The following PTPRM variants were observed in gnomAD, a reference collection of about 807,000 sequenced individuals.
PTPRM encodes receptor-type tyrosine-protein phosphatase mu.
A neutral mutation model predicts 186.7 loss-of-function variants in PTPRM; 47 were observed. The observed-to-expected ratio is 0.25, with a 90% confidence interval of 0.20 to 0.32. PTPRM has a LOEUF of 0.32. PTPRM is among the 10% of genes least tolerant of loss of function. The pLI is 1.00. For synonymous variants in PTPRM, 668 were observed against 674.9 expected (o/e 0.99, Z 0.16); for missense variants, 1,494 against 1,865.0 (o/e 0.80, Z 3.66).
At chr18:7,649,762 A>G (rs913032423) in intron 1 of PTPRM, among the ~76,000 whole-genome samples, 13 of 152,216 alleles carry the variant, frequency 8.5e-5, no homozygotes, top group African/African-American at 2.9e-4. Flanking sequence ...AAAAAGAAAA[A>G]AAATGAAATT....
In PTPRM at chr18:8,387,438, G is replaced by A. The variant is rs540607828; in HGVS notation, c.4208+203G>A. ...ACATTCTGCATTTGGATGGTGTGCC[G>A]CTGCCGCACAAGCAAGCACTGACCG... On this transcript the variant is annotated intron_variant, in intron 31 of 32. Transcript: ENST00000580170. 4.6e-5 allele frequency among the ~76,000 whole-genome samples: 7 copies of A among 151,678 alleles called. No individual in the cohort carries two copies. In the East Asian group the frequency reaches 1.2e-3, roughly 25 times the overall value.
intron 14 of PTPRM, among the ~76,000 whole-genome samples, chr18:8,224,611 CTGGATT>C (rs1354647362): frequency 1.3e-5 from 2 of 152,172 alleles, no homozygotes; most frequent in Admixed American, 6.5e-5. Context: ...TAACAGAGAC[CTGGATT>C]TTTATTCTGA....
intron 5 of PTPRM, among the ~76,000 whole-genome samples, chr18:7,940,386 A>T (rs9954126): frequency 0.063 from 9,577 of 152,210 alleles, 1,022 homozygotes; most frequent in African/African-American, 0.22. Context: ...GGTCAGTGGC[A>T]CTCATAAAGG....
chr18:7,602,376 A>G (rs376072226), intron 1 of PTPRM, among the ~76,000 whole-genome samples: 47 of 152,288 alleles, frequency 3.1e-4, no homozygotes, highest in African/African-American at 1.1e-3. Context: ...GGTTGGATTC[A>G]GTTGAATTTA....
chr18:7,737,281 G>A (rs2040790949), intron 1 of PTPRM, among the ~76,000 whole-genome samples: 1 of 150,992 alleles, frequency 6.6e-6, no homozygotes, highest in Non-Finnish European at 1.5e-5. Flanking sequence ...GTTTTTAGTG[G>A]TGACGGGGTT....
chr18:8,206,473 C>T (rs1286394966), intron 14 of PTPRM, among the ~76,000 whole-genome samples: 1 of 152,088 alleles, frequency 6.6e-6, no homozygotes, highest in African/African-American at 2.4e-5. Flanking sequence ...TGGTCTCGAT[C>T]TCCTGACCTC....
At chr18:8,071,002 C>T (rs550181485) in intron 8 of PTPRM, among the ~76,000 whole-genome samples, 2 of 152,172 alleles carry the variant, frequency 1.3e-5, no homozygotes, top group Non-Finnish European at 2.9e-5. Context: ...CCAGCACCTG[C>T]GTATTTTTGT....
At chr18:7,900,653 G>T (rs564933831) in intron 3 of PTPRM, among the ~76,000 whole-genome samples, 8 of 152,226 alleles carry the variant, frequency 5.3e-5, no homozygotes, top group African/African-American at 1.9e-4. Flanking sequence ...GTCCAGACTT[G>T]GAAGCAAAAT....
intron 7 of PTPRM, among the ~76,000 whole-genome samples, chr18:8,065,846 G>A (rs772100578): frequency 3.9e-5 from 6 of 152,182 alleles, no homozygotes; most frequent in Non-Finnish European, 7.3e-5. Context: ...TCCCAGAAAT[G>A]CAGTGTGAGT....
chr18:7,830,762 C>G (rs2145718192), intron 2 of PTPRM, among the ~76,000 whole-genome samples: 1 of 152,320 alleles, frequency 6.6e-6, no homozygotes, highest in East Asian at 1.9e-4. Context: ...GAGGGCAAAG[C>G]TGAAGGATAG....
intron 10 of PTPRM, among the ~76,000 whole-genome samples, chr18:8,088,301 C>A (rs1224188784): frequency 6.6e-6 from 1 of 151,270 alleles, no homozygotes; most frequent in Admixed American, 6.6e-5. Context: ...GAGTCTGGTA[C>A]ATGAAAAACC....
chr18:7,607,378 G>C (rs1318732789), intron 1 of PTPRM, among the ~76,000 whole-genome samples: 1 of 152,074 alleles, frequency 6.6e-6, no homozygotes, highest in Non-Finnish European at 1.5e-5. Flanking sequence ...TGATGTGCTG[G>C]GGTGTGCCGA....
At position 8,193,014 on chromosome 18, in the gene PTPRM, T is replaced by TA. The variant is rs143772795; in HGVS notation, c.2300+49236dup. Among the ~76,000 whole-genome samples the TA allele has an allele frequency of 8.9e-3, 1,357 of 152,334 alleles. 22 individuals carry two copies. The highest frequency in any genetic ancestry group is 0.031 in the African/African-American group (1,286 of 41,578). On this transcript the variant is annotated intron_variant, in intron 14 of 32. Transcript: ENST00000580170. ...AAAGCATGTGGGGGACAGTTGGATATATTGAATGTAGGCTTCCCATTAAGT... is the reference window on the plus strand; with the variant it reads ...AAAGCATGTGGGGGACAGTTGGATATAATTGAATGTAGGCTTCCCATTAAGT...
chr18:8,223,964 G>A (rs1041693217), intron 14 of PTPRM, among the ~76,000 whole-genome samples: 3 of 152,146 alleles, frequency 2.0e-5, no homozygotes, highest in African/African-American at 7.2e-5. Flanking sequence ...CTAGGTCATT[G>A]TGTTTGAATT....
chr18:7,981,240 G>A (rs545732734), intron 7 of PTPRM, among the ~76,000 whole-genome samples: 1 of 152,106 alleles, frequency 6.6e-6, no homozygotes, highest in East Asian at 1.9e-4. Context: ...GCAATCTCTG[G>A]ACAATGGAGT....
chr18:7,947,248 G>A lies in PTPRM; in HGVS notation c.664-1933G>A, dbSNP rs568189812. 2.2e-4 allele frequency among the ~76,000 whole-genome samples: 34 copies of A among 152,244 alleles called. No homozygotes were observed. In the South Asian group the frequency reaches 2.7e-3, roughly 12 times the overall value. ...GGAATTGTTATGGCTGTGTCCTTGC[G>A]TATGCCTGTGGGTTCTCCCAGCAGC... On this transcript the variant is annotated intron_variant, in intron 5 of 32. Coordinates refer to ENST00000580170, the MANE Select transcript of PTPRM (RefSeq NM_001105244.2).
intron 17 of PTPRM, among the ~76,000 whole-genome samples, chr18:8,250,610 A>G (rs1308174426): frequency 6.6e-6 from 1 of 151,846 alleles, no homozygotes; most frequent in African/African-American, 2.4e-5. Flanking sequence ...GGAGACCCCC[A>G]TCTCTTCAAA....
At chr18:7,826,523 C>T (rs868086561) in intron 2 of PTPRM, among the ~76,000 whole-genome samples, 1 of 152,134 alleles carries the variant, frequency 6.6e-6, no homozygotes, top group Non-Finnish European at 1.5e-5. Context: ...TTTCATTTAT[C>T]GTGTAGCTCA....
chr18:7,798,596 A>T (rs1021190513), intron 2 of PTPRM, among the ~76,000 whole-genome samples: 11 of 151,880 alleles, frequency 7.2e-5, no homozygotes, highest in East Asian at 5.8e-4. Context: ...AAAACTTCTT[A>T]AAAAATTACC....
Sources: gnomAD v4.1 joint callset for allele counts (sites outside exome capture counted in the v4.1 genomes callset) on GRCh38, gnomAD v4.1.1 for gene constraint, MANE v1.5 for transcripts, NCBI Gene and HGNC (gene_info 2026-07-23, HGNC 2026-07-21) for gene names.